Variants in LHX4 observed in about 807,000 individuals in gnomAD.
The protein encoded by LHX4 is LIM/homeobox protein Lhx4.
LHX4 carries 16 observed loss-of-function variants against 39.2 expected under a neutral mutation model. That is an observed-to-expected ratio of 0.41 (90% confidence interval 0.28 to 0.62). LHX4 has a LOEUF of 0.62. Among genes scored for constraint, LHX4 ranks in the 20% least tolerant of loss-of-function variants. The pLI is 0.33. For missense variants in LHX4, 439 were observed against 511.9 expected, an observed-to-expected ratio of 0.86 and a Z score of 1.37; for synonymous variants, 206 against 198.1, an observed-to-expected ratio of 1.04 and a Z score of -0.33.
intron 1 of LHX4, among the ~76,000 whole-genome samples, chr1:180,236,804 G>A (rs1664330714): frequency 6.6e-6 from 1 of 152,152 alleles, no homozygotes; most frequent in South Asian, 2.1e-4. Flanking sequence ...GCTGAAGAGA[G>A]GACAAAAGGA....
chr1:180,232,832 G>C lies in LHX4; in HGVS notation c.76+2227G>C, dbSNP rs1664211673. On this transcript the variant is annotated intron_variant, in intron 1 of 5. Coordinates refer to ENST00000263726, the MANE Select transcript of LHX4 (RefSeq NM_033343.4). The surrounding 1 kb of genome is among the most constrained non-coding windows in gnomAD (Gnocchi z 5.4). ...GACTGGGCCCAGTGGCCTAAGAAGG[G>C]GGGAAGCTCGAGGGGTTGTGGGGCA... is the stretch of plus-strand genomic sequence containing the variant. Among the ~76,000 whole-genome samples, 1 of 152,220 alleles carries C rather than the reference G, an allele frequency of 6.6e-6. No homozygotes were observed. Among genetic ancestry groups the C allele is most frequent in the Admixed American group, 6.5e-5 (1 of 15,288 alleles).
At chr1:180,233,967 G>A (rs1664242152) in intron 1 of LHX4, among the ~76,000 whole-genome samples, 1 of 151,352 alleles carries the variant, frequency 6.6e-6, no homozygotes, top group South Asian at 2.1e-4. Context: ...GGGTGCGTGG[G>A]GTAATGTCCC....
chr1:180,259,644 G>A (rs1648024438), intron 2 of LHX4, among the ~76,000 whole-genome samples: 1 of 151,752 alleles, frequency 6.6e-6, no homozygotes, highest in Non-Finnish European at 1.5e-5. Flanking sequence ...CATCAGTCCG[G>A]TGGGCAGGGG....
chr1:180,262,519 C>T (rs1648148851), intron 2 of LHX4, among the ~76,000 whole-genome samples: 1 of 152,050 alleles, frequency 6.6e-6, no homozygotes, highest in African/African-American at 2.4e-5. Flanking sequence ...ATGTAAATTT[C>T]AGCTTTTTCC....
At position 180,277,992 on chromosome 1, in the gene LHX4, T is replaced by TATC. The variant is rs1467068949; in HGVS notation, c.*3414_*3416dup. Reference sequence around the variant, plus strand: ...AAATCTGTAAAACAAAAGACATTCCTATCTCAGAAGCTCAAACTGGTGATT... The same window carrying TATC: ...AAATCTGTAAAACAAAAGACATTCCTATCATCTCAGAAGCTCAAACTGGTGATT... On this transcript the variant is annotated 3_prime_UTR_variant, in exon 6 of 6. Transcript: ENST00000263726. 1.3e-5 allele frequency: 2 copies of TATC among 152,184 alleles called. No individual in the cohort carries two copies. Among genetic ancestry groups the TATC allele is most frequent in the African/African-American group, 4.8e-5 (2 of 41,442 alleles). 9.4% of individuals were successfully genotyped at this position (152,184 alleles called of 1,614,324 possible).
In LHX4 at chr1:180,278,188, TGAG is replaced by T. The variant is rs551630759; in HGVS notation, c.*3614_*3616del. The T allele has an allele frequency of 2.4e-4, 36 of 152,326 alleles. No homozygotes were observed. The highest frequency in any genetic ancestry group is 8.4e-4 in the African/African-American group (35 of 41,568). The allele number at this position is 152,326 out of a possible 1,614,324, so 9.4% of individuals were successfully genotyped here. A position where few individuals can be genotyped will look rare whatever the true frequency, so the allele number is the denominator to read the frequency against. ...CCCAGCCAGCAGGGTCTGGAAGGCC[TGAG>T]GAGGCTCATTTTTAAACACTGCACT... is the stretch of plus-strand genomic sequence containing the variant. On this transcript the variant is annotated 3_prime_UTR_variant, in exon 6 of 6. Coordinates refer to ENST00000263726, the MANE Select transcript of LHX4 (RefSeq NM_033343.4).
rs1649027067 is a variant in LHX4, at chr1:180,276,364, CAG to C, written c.*1786_*1787del. Reference sequence around the variant, plus strand: ...GTTCAATTAAGTAAGTTCTTTAAAACAGTAAATTCCGGGATCAGCCTTCGGGC... The same window carrying C: ...GTTCAATTAAGTAAGTTCTTTAAAACTAAATTCCGGGATCAGCCTTCGGGC... On this transcript the variant is annotated 3_prime_UTR_variant, in exon 6 of 6. Transcript: ENST00000263726. The C allele has an allele frequency of 1.3e-5, 2 of 152,170 alleles. No individual in the cohort carries two copies. Among genetic ancestry groups the C allele is most frequent in the African/African-American group, 4.8e-5 (2 of 41,428 alleles). 9.4% of individuals were successfully genotyped at this position (152,170 alleles called of 1,614,324 possible).
At chr1:180,251,006 C>T (rs1321566662) in intron 2 of LHX4, among the ~76,000 whole-genome samples, 1 of 152,192 alleles carries the variant, frequency 6.6e-6, no homozygotes, top group African/African-American at 2.4e-5. Flanking sequence ...CTTTCAGGGC[C>T]TTACTCAGCA....
At chr1:180,233,718 G>T (rs1407813318) in intron 1 of LHX4, among the ~76,000 whole-genome samples, 1 of 152,118 alleles carries the variant, frequency 6.6e-6, no homozygotes, top group Non-Finnish European at 1.5e-5. Flanking sequence ...CCCGCCGCCC[G>T]GATCGCTGGC....
intron 2 of LHX4, among the ~76,000 whole-genome samples, chr1:180,264,054 C>T (rs1216772658): frequency 2.0e-5 from 3 of 152,164 alleles, no homozygotes; most frequent in Non-Finnish European, 4.4e-5. Context: ...GCCTCAACCT[C>T]CCTGGGCTCA....
At chr1:180,231,203 G>T (rs1664169082) in intron 1 of LHX4, among the ~76,000 whole-genome samples, 1 of 151,898 alleles carries the variant, frequency 6.6e-6, no homozygotes, top group African/African-American at 2.4e-5. Context: ...GAATCTGCTC[G>T]CGCATTCCAG....
intron 2 of LHX4, among the ~76,000 whole-genome samples, chr1:180,262,169 C>T (rs751269844): frequency 1.3e-5 from 2 of 151,720 alleles, no homozygotes; most frequent in African/African-American, 2.4e-5. Context: ...GGAGAGTCTC[C>T]GGTACTAGCT....
chr1:180,266,485 C>T lies in LHX4; in HGVS notation c.342C>T (p.Cys114=), dbSNP rs1416814341. 6 of 1,614,110 alleles carry T rather than the reference C, an allele frequency of 3.7e-6. No individual in the cohort carries two copies. In the Admixed American group the frequency reaches 5.0e-5, roughly 13 times the overall value. ...AGGACTTTGTCTACCACCTGCACTGCTTTGCTTGCATCATCTGCAACCGGC... is the reference window on the plus strand; with the variant it reads ...AGGACTTTGTCTACCACCTGCACTGTTTTGCTTGCATCATCTGCAACCGGC... ...KAQDFVYHLH[C]FACIICNRQL... is the part of the protein sequence containing the mutation. Residue 114 remains cysteine (C), a synonymous_variant, in exon 3 of 6, where the codon TGC becomes TGT. Coordinates refer to ENST00000263726, the MANE Select transcript of LHX4 (RefSeq NM_033343.4). This position sits in a 1 kb window ranked among gnomAD's most constrained non-coding sequence, Gnocchi z 5.7.
intron 3 of LHX4, among the ~76,000 whole-genome samples, chr1:180,269,233 A>G (rs1648482797): frequency 6.6e-6 from 1 of 152,116 alleles, no homozygotes; most frequent in Non-Finnish European, 1.5e-5. Flanking sequence ...TCTCAGCATT[A>G]TCTTGAATAC....
At chr1:180,271,643 C>A in intron 4 of LHX4, 109 bp downstream of exon 4, 1 of 1,458,346 alleles carries the variant, frequency 6.9e-7, no homozygotes, top group Non-Finnish European at 9.6e-7. Context: ...GGGCTTGACC[C>A]CAGGGCTTTT....
chr1:180,271,380 A>G lies in LHX4; in HGVS notation c.452A>G (p.Asp151Gly), dbSNP rs1447967646. Residue 151 changes from aspartate (D) to glycine (G), a missense_variant and splice_region_variant, in exon 4 of 6, where the codon GAT (aspartate) becomes GGT (glycine). Asp to Gly is a moderately conservative substitution (Grantham distance 94). Transcript: ENST00000263726. ...KEDYETAKQN[D>G]DSEAGAKRPR... ...AGTAAGCAGTGGTTTTTCCTTGCAG[A>G]TGACTCAGAGGCTGGAGCTAAGCGG... 2 of 1,614,032 alleles carry G rather than the reference A, an allele frequency of 1.2e-6. No individual in the cohort carries two copies. Among genetic ancestry groups the G allele is most frequent in the Non-Finnish European group, 8.5e-7 (1 of 1,180,016 alleles).
intron 4 of LHX4, 148 bp downstream of exon 4, chr1:180,271,682 C>T: frequency 1.5e-6 from 2 of 1,309,972 alleles, no homozygotes; most frequent in Non-Finnish European, 1.1e-6. Context: ...GTTCTGAGGC[C>T]CACCTGGGGA....
intron 2 of LHX4, among the ~76,000 whole-genome samples, chr1:180,252,046 C>T (rs893992771): frequency 2.6e-5 from 4 of 152,202 alleles, no homozygotes; most frequent in South Asian, 2.1e-4. Context: ...AGGCTCCATC[C>T]TAGGTACAGA....
chr1:180,253,228 T>A (rs1300925709), intron 2 of LHX4, among the ~76,000 whole-genome samples: 1 of 152,224 alleles, frequency 6.6e-6, no homozygotes, highest in Non-Finnish European at 1.5e-5. Context: ...CAGCATGTCA[T>A]GGATCCTTCT....
Sources: allele counts gnomAD v4.1 joint callset (sites outside exome capture counted in the v4.1 genomes callset), GRCh38; gene constraint gnomAD v4.1.1; non-coding constraint Gnocchi (gnomAD v3.1); transcripts MANE v1.5; gene names NCBI Gene and HGNC (gene_info 2026-07-23, HGNC 2026-07-21).